The following CCDC73 variants were observed in gnomAD, a reference collection of about 807,000 sequenced individuals.
CCDC73 encodes coiled-coil domain-containing protein 73.
A neutral mutation model predicts 116.5 loss-of-function variants in CCDC73; 95 were observed. That is an observed-to-expected ratio of 0.82 (90% CI 0.69 to 0.97). The LOEUF (loss-of-function observed/expected upper bound fraction) is 0.97, where lower values mean the gene tolerates loss of function less well. Ranked by LOEUF, CCDC73 falls within the 50% of genes least tolerant of loss-of-function variation. CCDC73 has a pLI of 0.00. For synonymous variants in CCDC73, 398 were observed against 401.3 expected (o/e 0.99, Z 0.10); for missense variants, 1,066 against 1,206.8 (o/e 0.88, Z 1.73).
At chr11:32,744,403 A>C (rs7110492) in intron 2 of CCDC73, among the ~76,000 whole-genome samples, 114,654 of 152,032 alleles carry the variant, frequency 0.75, 43,371 homozygotes, top group East Asian at 0.93. Flanking sequence ...GCTTTGGTAT[A>C]AGAATGATGC....
chr11:32,658,042 G>GA (rs1055468491), intron 9 of CCDC73, among the ~76,000 whole-genome samples: 58 of 79,590 alleles, frequency 7.3e-4, no homozygotes, highest in Middle Eastern at 7.7e-3. Context: ...AAAAGAAAAA[G>GA]AAAAAAAAAC....
chr11:32,661,831 C>G (rs758197443), intron 9 of CCDC73, among the ~76,000 whole-genome samples: 1 of 151,852 alleles, frequency 6.6e-6, no homozygotes, highest in African/African-American at 2.4e-5. Flanking sequence ...CTATCCCTCC[C>G]CTCTCCCCCG....
the CCDC73 span, among the ~76,000 whole-genome samples, chr11:32,819,162 G>A: frequency 5.2e-4 from 53 of 101,048 alleles, no homozygotes; most frequent in African/African-American, 2.2e-3. Flanking sequence ...TTAGGACAGT[G>A]ATTTTTTTTT....
chr11:32,764,157 A>G (rs1185388638), intron 1 of CCDC73, among the ~76,000 whole-genome samples: 3 of 152,250 alleles, frequency 2.0e-5, no homozygotes, highest in Admixed American at 6.5e-5. Flanking sequence ...TGAAAGTGAC[A>G]GGGAGAATGG....
intron 9 of CCDC73, among the ~76,000 whole-genome samples, 166 bp from the exon 10 acceptor site, chr11:32,655,138 G>A (rs941170596): frequency 4.8e-5 from 1 of 20,780 alleles, no homozygotes; most frequent in Non-Finnish European, 1.3e-4. Context: ...CATAATCTGC[G>A]GTTGTGGATC....
At position 32,614,168 on chromosome 11, in the gene CCDC73, G is replaced by A. The variant is rs1285938164; in HGVS notation, c.2150C>T (p.Ala717Val). The change falls in exon 16 of 18, where the codon GCT becomes GTT. Residue 717 changes from alanine (A) to valine (V), a missense_variant. By Grantham distance (64) the Ala-to-Val change is moderately conservative (BLOSUM62 0). Transcript: ENST00000335185. Reference sequence around the variant, plus strand: ...GTTCTTCAGAAGTAGTTTTGAATTAGCACTAAAAGCAGCATATGAAACATG... The same window carrying A: ...GTTCTTCAGAAGTAGTTTTGAATTAACACTAAAAGCAGCATATGAAACATG... Reference protein sequence around the residue: ...DHHVSYAAFSANSKLLLKNSD... With the variant: ...DHHVSYAAFSVNSKLLLKNSD... The A allele has an allele frequency of 1.2e-6, 2 of 1,613,636 alleles. No homozygotes were observed. Among genetic ancestry groups the A allele is most frequent in the Admixed American group, 1.7e-5 (1 of 59,988 alleles).
intron 6 of CCDC73, among the ~76,000 whole-genome samples, chr11:32,691,773 G>A (rs1381700713): frequency 6.6e-6 from 1 of 152,088 alleles, no homozygotes; most frequent in East Asian, 1.9e-4. Context: ...AGTCAGCCGG[G>A]CACAGTGGCT....
intron 1 of CCDC73, among the ~76,000 whole-genome samples, chr11:32,761,689 T>C (rs1390586265): frequency 1.3e-5 from 2 of 152,208 alleles, no homozygotes; most frequent in Non-Finnish European, 2.9e-5. Context: ...AGGATGGGTA[T>C]GTGTGTGTAT....
chr11:32,638,669 G>A (rs886720915), intron 13 of CCDC73, among the ~76,000 whole-genome samples: 1 of 151,800 alleles, frequency 6.6e-6, no homozygotes, highest in African/African-American at 2.4e-5. Flanking sequence ...AGTAGAGACG[G>A]GGTTTCACCG....
chr11:32,809,379 A>G, the CCDC73 span, among the ~76,000 whole-genome samples: 1 of 152,184 alleles, frequency 6.6e-6, no homozygotes, highest in African/African-American at 2.4e-5. Flanking sequence ...CACAACCTAG[A>G]CAATAATAGA....
intron 9 of CCDC73, among the ~76,000 whole-genome samples, chr11:32,674,891 C>A (rs913917773): frequency 6.6e-6 from 1 of 152,182 alleles, no homozygotes. Context: ...CAGTAAGCAA[C>A]AAATAAATGT....
intron 2 of CCDC73, among the ~76,000 whole-genome samples, chr11:32,759,670 C>A (rs115238910): frequency 2.6e-5 from 4 of 152,230 alleles, no homozygotes; most frequent in Admixed American, 2.0e-4. Context: ...ATTCTTTCAA[C>A]CCAGAATATT....
the CCDC73 span, among the ~76,000 whole-genome samples, chr11:32,819,793 G>T: frequency 6.6e-6 from 1 of 152,072 alleles, no homozygotes; most frequent in Non-Finnish European, 1.5e-5. Flanking sequence ...TTCTTAAAAT[G>T]TTTATGTCCA....
At chr11:32,679,689 T>C (rs1037177007) in intron 7 of CCDC73, among the ~76,000 whole-genome samples, 6 of 152,142 alleles carry the variant, frequency 3.9e-5, no homozygotes, top group African/African-American at 1.4e-4. Flanking sequence ...TGATTTTTGA[T>C]TCTAATCAAT....
chr11:32,626,439 C>A (rs1203473043), intron 14 of CCDC73, among the ~76,000 whole-genome samples: 3 of 152,026 alleles, frequency 2.0e-5, no homozygotes, highest in African/African-American at 7.3e-5. Flanking sequence ...CCCCATCAAG[C>A]TACCAATGAC....
chr11:32,802,398 C>T, the CCDC73 span, among the ~76,000 whole-genome samples: 1 of 152,146 alleles, frequency 6.6e-6, no homozygotes, highest in Non-Finnish European at 1.5e-5. Flanking sequence ...TCTTCTCATC[C>T]CTCAGAGTCT....
chr11:32,825,063 C>T, the CCDC73 span, among the ~76,000 whole-genome samples: 1 of 152,100 alleles, frequency 6.6e-6, no homozygotes, highest in Non-Finnish European at 1.5e-5. Context: ...CCAGCCTGGG[C>T]AATAGAGTGA....
intron 14 of CCDC73, among the ~76,000 whole-genome samples, chr11:32,625,902 C>T (rs1006191041): frequency 1.4e-5 from 2 of 147,874 alleles, no homozygotes; most frequent in Non-Finnish European, 3.0e-5. Context: ...TGGAAGCATT[C>T]CCTTTGAAAA....
chr11:32,615,236 G>GT (rs1355611774), intron 15 of CCDC73, among the ~76,000 whole-genome samples: 2 of 151,980 alleles, frequency 1.3e-5, no homozygotes, highest in South Asian at 2.1e-4. Context: ...TTAAAAAATG[G>GT]TTTATTTTTC....
Sources: gnomAD v4.1 joint callset for allele counts (sites outside exome capture counted in the v4.1 genomes callset) on GRCh38, gnomAD v4.1.1 for gene constraint, MANE v1.5 for transcripts, NCBI Gene and HGNC (gene_info 2026-07-23, HGNC 2026-07-21) for gene names.